Variants in CELF5 observed in about 807,000 individuals in gnomAD.
CELF5 encodes the protein CUGBP Elav-like family member 5.
CELF5 carries 6 observed loss-of-function variants against 54.9 expected under a neutral mutation model. That is an observed-to-expected ratio of 0.11 (90% CI 0.06 to 0.22). The LOEUF is 0.22. Ranked by LOEUF, CELF5 falls within the 10% of genes least tolerant of loss-of-function variation. The probability of loss-of-function intolerance (pLI) is 1.00; values close to 1 mark genes in which losing one functional copy is unlikely to be tolerated. For missense variants in CELF5, 401 were observed against 678.6 expected, an observed-to-expected ratio of 0.59 and a Z score of 4.54; for synonymous variants, 271 against 290.9, an observed-to-expected ratio of 0.93 and a Z score of 0.70.
Position 3,285,957 on chromosome 19 carries a change from C to T in CELF5, c.1118C>T (p.Ala373Val). Reference protein sequence around the residue: ...VQQYTAMYPTAAITPIAHSVP... With the variant: ...VQQYTAMYPTVAITPIAHSVP... The stretch of plus-strand genomic sequence containing the variant: ...GTCTCCGCAGCCATGTACCCCACCG[C>T]GGCCATCACGCCCATCGCGCACAGC... Residue 373 changes from alanine (A) to valine (V), a missense_variant, in exon 10 of 13, where the codon GCG (alanine) becomes GTG (valine). Physicochemically the swap from Ala to Val is moderately conservative, Grantham distance 64. This residue lies in a region of CELF5 where 143 missense variants were observed against 147.6 expected (regional missense o/e 0.97). Coordinates refer to ENST00000292672, the MANE Select transcript of CELF5 (RefSeq NM_021938.4). 1.3e-6 allele frequency: 2 copies of T among 1,588,364 alleles called. No homozygotes were observed. The highest frequency in any genetic ancestry group is 8.5e-7 in the Non-Finnish European group (1 of 1,173,210).
At chr19:3,280,618 T>A (rs760092961) in intron 5 of CELF5, among the ~76,000 whole-genome samples, 40 of 152,006 alleles carry the variant, frequency 2.6e-4, no homozygotes, top group Non-Finnish European at 2.8e-4. Context: ...GCCTGCTAGC[T>A]CCAGGGCATG....
Position 3,282,641 on chromosome 19 carries a change from C to A in CELF5, c.1039+143C>A. ...GGTGTCTCCGCTGAGCAGATAAGAG[C>A]TGTGGACACAGGAAGGGAGGCCGTG... On this transcript the variant is annotated intron_variant, in intron 8 of 12. Coordinates refer to ENST00000292672, the MANE Select transcript of CELF5 (RefSeq NM_021938.4). This position sits in a 1 kb window ranked among gnomAD's most constrained non-coding sequence, Gnocchi z 5.2. 2 of 927,106 alleles carry A rather than the reference C, an allele frequency of 2.2e-6. No homozygotes were observed. The highest frequency in any genetic ancestry group is 1.6e-6 in the Non-Finnish European group (1 of 628,858). 57.4% of individuals were successfully genotyped at this position (927,106 alleles called of 1,614,324 possible). A position where few individuals can be genotyped will look rare whatever the true frequency, so the allele number is the denominator to read the frequency against.
chr19:3,291,687 C>T (rs1468479068), intron 11 of CELF5, among the ~76,000 whole-genome samples: 1 of 150,894 alleles, frequency 6.6e-6, no homozygotes, highest in African/African-American at 2.4e-5. Context: ...CGAGGCAGGA[C>T]GGCGCCTGAC....
Position 3,281,300 on chromosome 19 carries a change from G to A in CELF5, c.705G>A (p.Pro235=), listed in dbSNP as rs36030381. 175,641 of 1,611,308 alleles carry A rather than the reference G, an allele frequency of 0.11. 10,522 individuals are homozygous for A. The highest frequency in any genetic ancestry group is 0.17 in the South Asian group (15,318 of 91,082). ...QMVGQLGILT[P]SLTLPFSPYS... ...TGGGCCAGCTGGGCATCCTGACGCC[G>A]TCCCTCACATTGCCCTTCAGCCCCT... Residue 235 remains proline, a synonymous_variant, in exon 6 of 13, where the codon CCG becomes CCA. Transcript: ENST00000292672. The surrounding 1 kb of genome is among the most constrained non-coding windows in gnomAD (Gnocchi z 6.5).
chr19:3,246,112 C>A (rs1294312466), intron 1 of CELF5, among the ~76,000 whole-genome samples: 1 of 152,156 alleles, frequency 6.6e-6, no homozygotes, highest in Admixed American at 6.5e-5. Context: ...GCCTATAATC[C>A]CAGCAATTTG....
Position 3,268,866 on chromosome 19 carries a change from G to C in CELF5, c.343-5006G>C, listed in dbSNP as rs898601492. Among the ~76,000 whole-genome samples the C allele has an allele frequency of 5.3e-5, 8 of 152,038 alleles. No individual in the cohort carries two copies. In the East Asian group the frequency reaches 1.4e-3, roughly 26 times the overall value. On this transcript the variant is annotated intron_variant, in intron 2 of 12. Transcript: ENST00000292672. The surrounding 1 kb of genome is among the most constrained non-coding windows in gnomAD (Gnocchi z 4.4). The stretch of plus-strand genomic sequence containing the variant: ...TTGAGGGGTAAGGATGGGGTGCAGC[G>C]GGGGGGCATTCTGTCACCAGCCACG...
intron 1 of CELF5, among the ~76,000 whole-genome samples, chr19:3,245,018 G>T (rs1450153765): frequency 6.7e-6 from 1 of 148,376 alleles, no homozygotes; most frequent in Admixed American, 6.7e-5. Context: ...TGTGTGTGTA[G>T]TGTGTGGTGT....
At chr19:3,230,514 C>T (rs577788984) in intron 1 of CELF5, among the ~76,000 whole-genome samples, 15 of 152,178 alleles carry the variant, frequency 9.9e-5, no homozygotes, top group East Asian at 3.9e-4. Flanking sequence ...GGGTAGAGGA[C>T]GGATTAGGTG....
At position 3,278,109 on chromosome 19, in the gene CELF5, C is replaced by A; in HGVS notation, c.602C>A (p.Pro201Gln). ...IHALHGSQTM[P>Q]GASSSLVVKF... ...GCCTTGCATGGGAGCCAGACCATGC[C>A]GGTGAGTTGGAGCTGCCCTTGGCCG... The change falls in exon 5 of 13, where the codon CCG becomes CAG. Residue 201 changes from proline to glutamine, a missense_variant and splice_region_variant. Pro to Gln is a moderately conservative substitution (Grantham distance 76). Coordinates refer to ENST00000292672, the MANE Select transcript of CELF5 (RefSeq NM_021938.4). This position sits in a 1 kb window ranked among gnomAD's most constrained non-coding sequence, Gnocchi z 4.5. 1 of 1,202,244 alleles carries A rather than the reference C, an allele frequency of 8.3e-7. No homozygotes were observed. The allele number at this position is 1,202,244 out of a possible 1,614,324, so 74.5% of individuals were successfully genotyped here. A position where few individuals can be genotyped will look rare whatever the true frequency, so the allele number is the denominator to read the frequency against.
intron 1 of CELF5, among the ~76,000 whole-genome samples, chr19:3,225,815 C>T (rs1336819599): frequency 6.6e-6 from 1 of 151,214 alleles, no homozygotes; most frequent in Non-Finnish European, 1.5e-5. Flanking sequence ...TGAAACTGGC[C>T]GAGCCTCTTA....
intron 2 of CELF5, among the ~76,000 whole-genome samples, chr19:3,264,667 C>T (rs1237225585): frequency 1.3e-5 from 2 of 151,092 alleles, no homozygotes; most frequent in Non-Finnish European, 2.9e-5. Flanking sequence ...CCACCCATCT[C>T]GGCCTCTCAA....
chr19:3,264,041 G>A (rs908353489), intron 2 of CELF5, among the ~76,000 whole-genome samples: 3 of 152,118 alleles, frequency 2.0e-5, no homozygotes, highest in African/African-American at 7.2e-5. Flanking sequence ...ACCCCATGCC[G>A]TATTACTAAG....
At chr19:3,280,865 G>C (rs1234213948) in intron 5 of CELF5, among the ~76,000 whole-genome samples, 1 of 152,174 alleles carries the variant, frequency 6.6e-6, no homozygotes, top group Non-Finnish European at 1.5e-5. Context: ...GGAAGTCATA[G>C]GTGCCTCCAG....
intron 5 of CELF5, among the ~76,000 whole-genome samples, chr19:3,280,560 A>T (rs2080132458): frequency 6.6e-6 from 1 of 152,080 alleles, no homozygotes; most frequent in African/African-American, 2.4e-5. Flanking sequence ...GGGCAACAAG[A>T]GCGAAACTCC....
chr19:3,229,273 C>T (rs1188640692), intron 1 of CELF5, among the ~76,000 whole-genome samples: 1 of 152,074 alleles, frequency 6.6e-6, no homozygotes, highest in Non-Finnish European at 1.5e-5. Context: ...GTGTACCAGG[C>T]CCTGTTCTAG....
chr19:3,246,075 C>T (rs753140744), intron 1 of CELF5, among the ~76,000 whole-genome samples: 5 of 152,320 alleles, frequency 3.3e-5, no homozygotes, highest in Middle Eastern at 3.4e-3. Flanking sequence ...TTAAAATATA[C>T]GGACAAGGCC....
chr19:3,247,525 G>C (rs1245893153), intron 1 of CELF5, among the ~76,000 whole-genome samples: 4 of 151,440 alleles, frequency 2.6e-5, no homozygotes, highest in African/African-American at 9.7e-5. Flanking sequence ...GCCTCCCAAA[G>C]TGCTGGGATT....
Position 3,285,946 on chromosome 19 carries a change from G to A in CELF5, c.1107G>A (p.Met369Ile). 1.9e-6 allele frequency: 3 copies of A among 1,584,328 alleles called. No homozygotes were observed. The highest frequency in any genetic ancestry group is 2.6e-6 in the Non-Finnish European group (3 of 1,171,372). ...GTCTCGCTCCGGTCTCCGCAGCCAT[G>A]TACCCCACCGCGGCCATCACGCCCA... ...AFSGVQQYTA[M>I]YPTAAITPIA... Residue 369 changes from methionine (M) to isoleucine (I), a missense_variant, in exon 10 of 13, where the codon ATG (methionine) becomes ATA (isoleucine). Physicochemically the swap from Met to Ile is conservative, Grantham distance 10 (BLOSUM62 1). Transcript: ENST00000292672.
rs1468643280 is a variant in CELF5, at chr19:3,285,993, C to T, written c.1154C>T (p.Pro385Leu). ...ITPIAHSVPQ[P>L]PPLLQQQQRE... Reference sequence around the variant, plus strand: ...CCCATCGCGCACAGCGTCCCCCAGCCGCCGCCCCTCCTGCAGCAGCAGCAG... The same window carrying T: ...CCCATCGCGCACAGCGTCCCCCAGCTGCCGCCCCTCCTGCAGCAGCAGCAG... The change falls in exon 10 of 13, where the codon CCG (proline) becomes CTG (leucine). Residue 385 changes from proline (P) to leucine (L), a missense_variant. Physicochemically the swap from Pro to Leu is moderately conservative, Grantham distance 98. Coordinates refer to ENST00000292672, the MANE Select transcript of CELF5 (RefSeq NM_021938.4). The T allele has an allele frequency of 5.0e-6, 8 of 1,584,842 alleles. No individual in the cohort carries two copies. The highest frequency in any genetic ancestry group is 2.3e-5 in the South Asian group (2 of 88,786).
Sources: allele counts gnomAD v4.1 joint callset (sites outside exome capture counted in the v4.1 genomes callset), GRCh38; gene constraint gnomAD v4.1.1; regional missense constraint gnomAD v4.1.1; non-coding constraint Gnocchi (gnomAD v3.1); transcripts MANE v1.5; gene names NCBI Gene and HGNC (gene_info 2026-07-23, HGNC 2026-07-21).